The following USP37 variants were observed in gnomAD, a reference collection of about 807,000 sequenced individuals.
USP37 encodes ubiquitin specific peptidase 37.
A neutral mutation model predicts 124.0 loss-of-function variants in USP37; 27 were observed. The observed-to-expected ratio is 0.22, with a 90% CI of 0.16 to 0.30. USP37 has a LOEUF of 0.30. USP37 is among the 10% of genes least tolerant of loss of function. The pLI, the probability that USP37 is intolerant of heterozygous loss-of-function variation, is 1.00. For synonymous variants in USP37, 365 were observed against 388.0 expected, an observed-to-expected ratio of 0.94 and a Z score of 0.70; for missense variants, 889 against 1,140.4, an observed-to-expected ratio of 0.78 and a Z score of 3.17.
intron 10 of USP37, among the ~76,000 whole-genome samples, chr2:218,523,047 G>A (rs191932473): frequency 0.024 from 3,663 of 152,208 alleles, 147 homozygotes; most frequent in African/African-American, 0.084. Context: ...AGGCCGAGAC[G>A]GGTGGATCAC....
At chr2:218,547,466 G>A (rs1692412429) in intron 6 of USP37, among the ~76,000 whole-genome samples, 1 of 151,230 alleles carries the variant, frequency 6.6e-6, no homozygotes, top group Non-Finnish European at 1.5e-5. Flanking sequence ...TGATTCTAAT[G>A]TACAGTCAGT....
intron 11 of USP37, among the ~76,000 whole-genome samples, chr2:218,499,434 A>G (rs537114694): frequency 5.3e-5 from 8 of 152,276 alleles, no homozygotes; most frequent in African/African-American, 1.9e-4. Context: ...TTTTTCTGAA[A>G]CCATTTCAGA....
intron 9 of USP37, among the ~76,000 whole-genome samples, chr2:218,532,762 C>T (rs868081030): frequency 6.6e-6 from 1 of 151,886 alleles, no homozygotes; most frequent in Admixed American, 6.6e-5. Context: ...AACCATGTCT[C>T]TACAAAAAAT....
At chr2:218,515,102 G>C (rs966730712) in intron 10 of USP37, among the ~76,000 whole-genome samples, 4 of 152,080 alleles carry the variant, frequency 2.6e-5, no homozygotes, top group Non-Finnish European at 5.9e-5. Context: ...ATTTCAAGGA[G>C]CTCTGCTTTC....
chr2:218,481,462 T>C (rs1691266818), intron 17 of USP37, among the ~76,000 whole-genome samples: 1 of 152,160 alleles, frequency 6.6e-6, no homozygotes. Context: ...ACTCTTATTA[T>C]CACCTAAGTT....
rs1689453361 is a variant in USP37, at chr2:218,450,615, G to C, written c.*4315C>G. 1 of 152,492 alleles carries C rather than the reference G, an allele frequency of 6.6e-6. No individual in the cohort carries two copies. Among genetic ancestry groups the C allele is most frequent in the Admixed American group, 6.6e-5 (1 of 15,248 alleles). 9.4% of individuals were successfully genotyped at this position (152,492 alleles called of 1,614,324 possible). A position where few individuals can be genotyped will look rare whatever the true frequency, so the allele number is the denominator to read the frequency against. On this transcript the variant is annotated 3_prime_UTR_variant, in exon 26 of 26. Transcript: ENST00000258399. Reference sequence around the variant, plus strand: ...AAAGCTCAAAGGGAGGGAAACCTGGGGACAAGAGGTGTGCACACCCACATG... The same window carrying C: ...AAAGCTCAAAGGGAGGGAAACCTGGCGACAAGAGGTGTGCACACCCACATG...
intron 19 of USP37, among the ~76,000 whole-genome samples, 195 bp from the exon 20 acceptor site, chr2:218,475,080 T>C (rs1574853751): frequency 6.6e-6 from 1 of 152,164 alleles, no homozygotes; most frequent in Non-Finnish European, 1.5e-5. Context: ...TAAGAATACA[T>C]TATTTTTTCT....
At chr2:218,551,092 A>C (rs1692643248) in intron 5 of USP37, among the ~76,000 whole-genome samples, 1 of 152,176 alleles carries the variant, frequency 6.6e-6, no homozygotes, top group Non-Finnish European at 1.5e-5. Context: ...ACTGGAGATA[A>C]GGATCCAAGT....
At chr2:218,563,424 G>T (rs1316122766) in intron 1 of USP37, among the ~76,000 whole-genome samples, 1 of 152,156 alleles carries the variant, frequency 6.6e-6, no homozygotes, top group Non-Finnish European at 1.5e-5. Context: ...CAGTGAGAAA[G>T]AATATGTCCT....
At chr2:218,485,578 T>C (rs921340250) in intron 16 of USP37, 86 bp downstream of exon 16, 2 of 1,401,178 alleles carry the variant, frequency 1.4e-6, no homozygotes, top group Non-Finnish European at 1.9e-6. Flanking sequence ...TTGTATGAAC[T>C]TTAAAAAGAA....
intron 9 of USP37, among the ~76,000 whole-genome samples, chr2:218,533,294 T>C (rs1691438053): frequency 6.6e-6 from 1 of 152,222 alleles, no homozygotes; most frequent in African/African-American, 2.4e-5. Flanking sequence ...CTTCTTGATT[T>C]ACTCATTTTA....
Position 218,476,983 on chromosome 2 carries a change from T to G in USP37, c.1902-2A>C. The G allele has an allele frequency of 6.7e-7, 1 of 1,486,194 alleles. No individual in the cohort carries two copies. The highest frequency in any genetic ancestry group is 8.9e-7 in the Non-Finnish European group (1 of 1,119,878). The allele number at this position is 1,486,194 out of a possible 1,614,324, so 92.1% of individuals were successfully genotyped here. A position where few individuals can be genotyped will look rare whatever the true frequency, so the allele number is the denominator to read the frequency against. Reference sequence around the variant, plus strand: ...CTCTTGGATTTGAAGGTGAATTTCCTGTAATTTAAGGAAAAAAAAAAAAGC... The same window carrying G: ...CTCTTGGATTTGAAGGTGAATTTCCGGTAATTTAAGGAAAAAAAAAAAAGC... On this transcript the variant is annotated splice_acceptor_variant, in intron 18 of 25. Coordinates refer to ENST00000258399, the MANE Select transcript of USP37 (RefSeq NM_020935.3). LOFTEE classifies it high-confidence loss of function.
chr2:218,549,268 G>A (rs748851036), intron 6 of USP37, among the ~76,000 whole-genome samples: 7 of 152,006 alleles, frequency 4.6e-5, no homozygotes, highest in Admixed American at 1.3e-4. Flanking sequence ...AAAAGAACCT[G>A]ACAAAAATGA....
chr2:218,499,312 T>C (rs551918358), intron 11 of USP37, among the ~76,000 whole-genome samples: 4 of 152,180 alleles, frequency 2.6e-5, no homozygotes, highest in Admixed American at 2.6e-4. Flanking sequence ...ACCTTTTAAT[T>C]TAGAAATAAA....
intron 16 of USP37, among the ~76,000 whole-genome samples, chr2:218,484,655 C>CG (rs1691455345): frequency 1.4e-5 from 2 of 147,484 alleles, no homozygotes; most frequent in African/African-American, 5.0e-5. Flanking sequence ...AACAAACAAC[C>CG]AAAAAAAAAA....
At chr2:218,520,472 C>G (rs954406501) in intron 10 of USP37, among the ~76,000 whole-genome samples, 1 of 151,688 alleles carries the variant, frequency 6.6e-6, no homozygotes. Flanking sequence ...GTCTCAGCAT[C>G]CCGAGTAACT....
chr2:218,547,468 ACAGT>A (rs986540526), intron 6 of USP37, among the ~76,000 whole-genome samples: 8 of 152,084 alleles, frequency 5.3e-5, no homozygotes, highest in South Asian at 2.1e-4. Flanking sequence ...ATTCTAATGT[ACAGT>A]CAGTGTGAAA....
chr2:218,516,842 T>C (rs188522555), intron 10 of USP37, among the ~76,000 whole-genome samples: 23 of 152,330 alleles, frequency 1.5e-4, no homozygotes, highest in Non-Finnish European at 5.9e-5. Context: ...TACAAATGCA[T>C]GTATGTTTAT....
rs760183920 is a variant in USP37, at chr2:218,553,631, T to A, written c.250A>T (p.Ile84Phe). The A allele has an allele frequency of 6.2e-7, 1 of 1,614,062 alleles. No homozygotes were observed. Among genetic ancestry groups the A allele is most frequent in the South Asian group, 1.1e-5 (1 of 91,060 alleles). Residue 84 changes from isoleucine (I) to phenylalanine (F), a missense_variant, in exon 5 of 26, where the codon ATT (isoleucine) becomes TTT (phenylalanine). Coordinates refer to ENST00000258399, the MANE Select transcript of USP37 (RefSeq NM_020935.3). Reference protein sequence around the residue: ...LTLQDNSFLSIDKVPSKDAEE... With the variant: ...LTLQDNSFLSFDKVPSKDAEE... The stretch of plus-strand genomic sequence containing the variant: ...GCATCCTTACTTGGTACTTTGTCAA[T>A]AGACAAGAAGCTGTTATCTTGCAGA...
Sources: allele counts gnomAD v4.1 joint callset (sites outside exome capture counted in the v4.1 genomes callset), GRCh38; gene constraint gnomAD v4.1.1; transcripts MANE v1.5; gene names NCBI Gene and HGNC (gene_info 2026-07-23, HGNC 2026-07-21).